XKR6: variants seen among roughly 807,000 people sequenced by gnomAD.
XKR6 encodes the protein XK related 6.
Under a neutral mutation model 56.7 loss-of-function variants are expected in XKR6, and 22 were observed. The observed-to-expected ratio is 0.39, with a 90% CI of 0.28 to 0.55. XKR6 has a LOEUF of 0.55. XKR6 is among the 20% of genes least tolerant of loss of function. The pLI, the probability that XKR6 is intolerant of heterozygous loss-of-function variation, is 0.66. For missense variants in XKR6, 852 were observed against 889.0 expected, an observed-to-expected ratio of 0.96 and a Z score of 0.53; for synonymous variants, 524 against 387.8, an observed-to-expected ratio of 1.35 and a Z score of -4.13.
At chr8:11,001,211 C>T (rs1032497050) in intron 1 of XKR6, among the ~76,000 whole-genome samples, 3 of 152,198 alleles carry the variant, frequency 2.0e-5, no homozygotes, top group Non-Finnish European at 4.4e-5. Context: ...AGGAAGAACT[C>T]CCCTTCCGAT....
intron 1 of XKR6, among the ~76,000 whole-genome samples, chr8:11,159,421 C>T (rs1801685223): frequency 6.6e-6 from 1 of 152,170 alleles, no homozygotes; most frequent in Admixed American, 6.5e-5. Context: ...TGACCTAGAT[C>T]GCGAGAGAAA....
rs190627974 is a variant in XKR6, at chr8:10,974,224, C to T, written c.765-49394G>A. Among the ~76,000 whole-genome samples, 31 of 152,266 alleles carry T rather than the reference C, an allele frequency of 2.0e-4. No individual in the cohort carries two copies. The South Asian group carries it at 5.2e-3, about 25-fold the overall frequency. On this transcript the variant is annotated intron_variant, in intron 1 of 2. Transcript: ENST00000416569. ...TGGGCTCCCACATGTTAGCTGTAAG[C>T]GAACAGAGCACTGGGCATTTCTGGC...
intron 1 of XKR6, among the ~76,000 whole-genome samples, chr8:10,952,081 A>T (rs1045736594): frequency 6.6e-6 from 1 of 152,166 alleles, no homozygotes; most frequent in African/African-American, 2.4e-5. Flanking sequence ...GGTCCACGGC[A>T]TGACCTCCTG....
chr8:10,968,374 G>A (rs970802722), intron 1 of XKR6, among the ~76,000 whole-genome samples: 1 of 152,230 alleles, frequency 6.6e-6, no homozygotes, highest in Non-Finnish European at 1.5e-5. Flanking sequence ...TAGAATGTGT[G>A]TCTCTTTCCC....
intron 1 of XKR6, among the ~76,000 whole-genome samples, chr8:11,183,084 T>C (rs1803081604): frequency 6.6e-6 from 1 of 152,196 alleles, no homozygotes; most frequent in African/African-American, 2.4e-5. Flanking sequence ...TTTGAATGCG[T>C]CTTGTATCCA....
At chr8:11,183,062 C>T (rs1479764401) in intron 1 of XKR6, among the ~76,000 whole-genome samples, 1 of 152,088 alleles carries the variant, frequency 6.6e-6, no homozygotes, top group East Asian at 1.9e-4. Flanking sequence ...TTTTTTGAGG[C>T]TGAAACATTC....
intron 1 of XKR6, among the ~76,000 whole-genome samples, chr8:11,059,655 G>A (rs1423979329): frequency 7.6e-6 from 1 of 132,062 alleles, no homozygotes; most frequent in Non-Finnish European, 1.5e-5. Flanking sequence ...ACAGGTGCGG[G>A]GGGCGCGGGG....
intron 1 of XKR6, among the ~76,000 whole-genome samples, chr8:10,960,503 C>T (rs1445205837): frequency 6.6e-6 from 1 of 152,212 alleles, no homozygotes. Context: ...ATTCACACGC[C>T]TCCACAAGAA....
At chr8:11,092,154 C>T (rs1798093087) in intron 1 of XKR6, among the ~76,000 whole-genome samples, 2 of 152,220 alleles carry the variant, frequency 1.3e-5, no homozygotes, top group South Asian at 4.1e-4. Context: ...GCCAAATGAC[C>T]TCATGCCAAA....
chr8:11,157,074 A>C (rs926791261), intron 1 of XKR6, among the ~76,000 whole-genome samples: 2 of 152,192 alleles, frequency 1.3e-5, no homozygotes, highest in Non-Finnish European at 2.9e-5. Context: ...GTTTCCAAAA[A>C]TCCATAGCCC....
intron 1 of XKR6, chr8:11,109,802 T>C (rs1798818865): frequency 6.6e-6 from 1 of 152,232 alleles, no homozygotes; most frequent in Admixed American, 6.5e-5. Context: ...CTGGGCCCAG[T>C]CAATATTGTG....
intron 2 of XKR6, among the ~76,000 whole-genome samples, chr8:10,916,456 A>G (rs754420892): frequency 1.3e-5 from 2 of 152,242 alleles, no homozygotes; most frequent in Non-Finnish European, 2.9e-5. Context: ...GGAAAGAGAC[A>G]AGAAAGTATT....
intron 1 of XKR6, among the ~76,000 whole-genome samples, chr8:11,147,418 C>A (rs983994664): frequency 9.9e-5 from 15 of 152,124 alleles, no homozygotes; most frequent in African/African-American, 3.1e-4. Context: ...GTAATCCCAG[C>A]ACTTTGGGAG....
chr8:11,122,614 T>C (rs183658145), intron 1 of XKR6, among the ~76,000 whole-genome samples: 132 of 152,362 alleles, frequency 8.7e-4, no homozygotes, highest in Non-Finnish European at 1.0e-3. Context: ...TCTTTAGATA[T>C]CAGGCCAATT....
intron 1 of XKR6, among the ~76,000 whole-genome samples, chr8:11,085,646 G>C (rs772704664): frequency 6.6e-6 from 1 of 152,148 alleles, no homozygotes; most frequent in African/African-American, 2.4e-5. Flanking sequence ...GCCCGCCATA[G>C]GATGGTCTCC....
chr8:11,155,872 T>C (rs1801494257), intron 1 of XKR6, among the ~76,000 whole-genome samples: 1 of 152,232 alleles, frequency 6.6e-6, no homozygotes, highest in Admixed American at 6.5e-5. Context: ...TCATTCTAAA[T>C]ACAATCCACA....
intron 1 of XKR6, among the ~76,000 whole-genome samples, chr8:11,153,719 T>C (rs2116984382): frequency 6.6e-6 from 1 of 152,328 alleles, no homozygotes; most frequent in South Asian, 2.1e-4. Context: ...TTTGAATATC[T>C]CAGTAATGAG....
intron 1 of XKR6, among the ~76,000 whole-genome samples, chr8:11,095,841 T>C (rs140018611): frequency 6.6e-6 from 1 of 152,332 alleles, no homozygotes; most frequent in East Asian, 1.9e-4. Flanking sequence ...CCACATTTAA[T>C]TCATGGTTGT....
intron 1 of XKR6, among the ~76,000 whole-genome samples, chr8:11,169,575 T>G (rs1802259352): frequency 6.6e-6 from 1 of 152,226 alleles, no homozygotes; most frequent in Non-Finnish European, 1.5e-5. Flanking sequence ...ATGAGGCACT[T>G]AAAACAGGCA....
Sources: allele counts gnomAD v4.1 joint callset (sites outside exome capture counted in the v4.1 genomes callset), GRCh38; gene constraint gnomAD v4.1.1; transcripts MANE v1.5; gene names NCBI Gene and HGNC (gene_info 2026-07-23, HGNC 2026-07-21).